CPNE5: variants seen among roughly 807,000 people sequenced by gnomAD.
CPNE5 encodes the protein copine-5.
In CPNE5, 42 loss-of-function variants were observed where a neutral mutation model predicts 81.1. That is an observed-to-expected ratio of 0.52 (90% CI 0.40 to 0.67). The LOEUF (loss-of-function observed/expected upper bound fraction) is 0.67, where lower values mean the gene tolerates loss of function less well. Among genes scored for constraint, CPNE5 ranks in the 30% least tolerant of loss-of-function variants. The pLI is 0.00. For missense variants in CPNE5, 612 were observed against 815.5 expected, an observed-to-expected ratio of 0.75 and a Z score of 3.04; for synonymous variants, 313 against 321.5, an observed-to-expected ratio of 0.97 and a Z score of 0.28.
intron 10 of CPNE5, among the ~76,000 whole-genome samples, chr6:36,768,377 G>T (rs1371058710): frequency 6.6e-6 from 1 of 151,760 alleles, no homozygotes; most frequent in Non-Finnish European, 1.5e-5. Flanking sequence ...GATTACAGGC[G>T]CATGCCATCA....
At chr6:36,823,910 G>A (rs558894807) in intron 1 of CPNE5, among the ~76,000 whole-genome samples, 1 of 152,294 alleles carries the variant, frequency 6.6e-6, no homozygotes, top group East Asian at 1.9e-4. Context: ...GGAGAGGAGG[G>A]GAGGATGGGC....
intron 1 of CPNE5, among the ~76,000 whole-genome samples, chr6:36,828,718 T>C (rs1772733206): frequency 6.6e-6 from 1 of 152,050 alleles, no homozygotes; most frequent in Non-Finnish European, 1.5e-5. Flanking sequence ...CATTCATGAG[T>C]CTAAAAAGCT....
At chr6:36,831,534 A>T in intron 1 of CPNE5, among the ~76,000 whole-genome samples, 1 of 151,042 alleles carries the variant, frequency 6.6e-6, no homozygotes, top group East Asian at 2.0e-4. Context: ...TTGTATTTTT[A>T]ATAGAAACGG....
At chr6:36,812,053 G>A (rs62406629) in intron 3 of CPNE5, among the ~76,000 whole-genome samples, 23,447 of 152,146 alleles carry the variant, frequency 0.15, 2,325 homozygotes, top group East Asian at 0.25. Context: ...GCAGTGAGCC[G>A]AGATTGTGTC....
intron 10 of CPNE5, among the ~76,000 whole-genome samples, chr6:36,767,466 G>A (rs1766661612): frequency 6.6e-6 from 1 of 152,162 alleles, no homozygotes; most frequent in Non-Finnish European, 1.5e-5. Flanking sequence ...CAAGACCAAG[G>A]CCCTGACTCC....
intron 14 of CPNE5, among the ~76,000 whole-genome samples, chr6:36,751,796 A>G (rs1378094895): frequency 2.0e-5 from 3 of 147,466 alleles, no homozygotes; most frequent in African/African-American, 4.9e-5. Context: ...CTCTGTCTCA[A>G]AAAATAAATA....
At chr6:36,831,542 C>T (rs1339208097) in intron 1 of CPNE5, among the ~76,000 whole-genome samples, 7 of 140,980 alleles carry the variant, frequency 5.0e-5, no homozygotes, top group African/African-American at 1.1e-4. Context: ...TTAATAGAAA[C>T]GGGGTTTCAC....
In CPNE5 at chr6:36,743,774, G is replaced by A. The variant is rs754777678; in HGVS notation, c.1490-12C>T. 5.6e-6 allele frequency: 9 copies of A among 1,608,972 alleles called. No homozygotes were observed. In the Admixed American group the frequency reaches 1.3e-4, roughly 24 times the overall value. ...CAGCTCCACCATGGCTGTGAGGGGA[G>A]GAGTGTCATGGGGCGGGGTGAGATT... On this transcript the variant is annotated splice_polypyrimidine_tract_variant and intron_variant, in intron 19 of 20. Transcript: ENST00000244751.
In CPNE5 at chr6:36,765,315, CT is replaced by C; in HGVS notation, c.779+19del. 1 of 1,613,892 alleles carries C rather than the reference CT, an allele frequency of 6.2e-7. No individual in the cohort carries two copies. Among genetic ancestry groups the C allele is most frequent in the South Asian group, 1.1e-5 (1 of 91,076 alleles). On this transcript the variant is annotated intron_variant, in intron 11 of 20. Coordinates refer to ENST00000244751, the MANE Select transcript of CPNE5 (RefSeq NM_020939.2). ...CCCATCCCCACTCACCTTCTCGCCC[CT>C]GCCCTCCTGCCTGCTTACCTGCCGT...
chr6:36,824,059 T>A (rs236375), intron 1 of CPNE5, among the ~76,000 whole-genome samples: 1 of 152,104 alleles, frequency 6.6e-6, no homozygotes, highest in East Asian at 1.9e-4. Flanking sequence ...ATCAGTACAA[T>A]GAGACGGTAG....
intron 1 of CPNE5, among the ~76,000 whole-genome samples, chr6:36,828,308 CAA>C (rs11444450): frequency 8.9e-5 from 7 of 78,604 alleles, no homozygotes; most frequent in Admixed American, 3.1e-4. Context: ...AACAACAAAC[CAA>C]AAAAAAAAAA....
chr6:36,755,007 T>A (rs1273776094), intron 13 of CPNE5: 1 of 152,228 alleles, frequency 6.6e-6, no homozygotes. Flanking sequence ...CCCCAGTCTG[T>A]GAAGCAGTTA....
In CPNE5 at chr6:36,746,719, A is replaced by G. The variant is rs1764209934; in HGVS notation, c.1019-142T>C. 3.0e-6 allele frequency: 2 copies of G among 673,796 alleles called. No individual in the cohort carries two copies. The highest frequency in any genetic ancestry group is 3.2e-5 in the East Asian group (1 of 31,074). 41.7% of individuals were successfully genotyped at this position (673,796 alleles called of 1,614,324 possible). On this transcript the variant is annotated intron_variant, in intron 15 of 20. Coordinates refer to ENST00000244751, the MANE Select transcript of CPNE5 (RefSeq NM_020939.2). The surrounding 1 kb of genome is among the most constrained non-coding windows in gnomAD (Gnocchi z 4.5). ...CTCTTTCTCTCATACCCCATGTTAA[A>G]TCCTTCAGCAAAACAGATCTAGAAT... is the stretch of plus-strand genomic sequence containing the variant.
chr6:36,774,162 T>C (rs1268121658), intron 10 of CPNE5, among the ~76,000 whole-genome samples: 1 of 151,140 alleles, frequency 6.6e-6, no homozygotes, highest in Non-Finnish European at 1.5e-5. Context: ...GATGGGTGCA[T>C]TGCTTGAGCC....
rs142384457 is a variant in CPNE5 at position 36,792,721 on chromosome 6, G to A, written c.465-625C>T. Among the ~76,000 whole-genome samples, 23 of 152,234 alleles carry A rather than the reference G, an allele frequency of 1.5e-4. No homozygotes were observed. In the East Asian group the frequency reaches 4.2e-3, roughly 28 times the overall value. On this transcript the variant is annotated intron_variant, in intron 7 of 20. Transcript: ENST00000244751. ...CAACCAGATCAAGGTCCGTGAAGTC[G>A]GTCCACCCCAGCACATCCCTCCAGG...
intron 4 of CPNE5, 52 bp downstream of exon 4, chr6:36,799,915 C>T (rs984418922): frequency 1.2e-5 from 16 of 1,337,940 alleles, no homozygotes; most frequent in Non-Finnish European, 1.7e-5. Flanking sequence ...TCCTACCTGC[C>T]AGCAATCTTC....
chr6:36,747,661 G>A (rs1764327172), intron 15 of CPNE5, among the ~76,000 whole-genome samples: 1 of 152,226 alleles, frequency 6.6e-6, no homozygotes. Flanking sequence ...CCCTAATAGA[G>A]CCCAGAGCCC....
chr6:36,757,965 C>G (rs909953986), intron 12 of CPNE5, among the ~76,000 whole-genome samples: 1 of 152,080 alleles, frequency 6.6e-6, no homozygotes, highest in Non-Finnish European at 1.5e-5. Context: ...TGTCACCCAG[C>G]GGCCTGCAGG....
In CPNE5 at chr6:36,746,622, A is replaced by C. The variant is rs749855592; in HGVS notation, c.1019-45T>G. 5 of 1,560,400 alleles carry C rather than the reference A, an allele frequency of 3.2e-6. No homozygotes were observed. Among genetic ancestry groups the C allele is most frequent in the Non-Finnish European group, 4.3e-6 (5 of 1,156,424 alleles). ...AGCCTTTGACCATCTGGACCCTCCA[A>C]GTCACCCCGGGTTCAGAATGAAGAA... On this transcript the variant is annotated intron_variant, in intron 15 of 20. Transcript: ENST00000244751. This position sits in a 1 kb window ranked among gnomAD's most constrained non-coding sequence, Gnocchi z 4.5.
Sources: gnomAD v4.1 joint callset for allele counts (sites outside exome capture counted in the v4.1 genomes callset) on GRCh38, gnomAD v4.1.1 for gene constraint, Gnocchi (gnomAD v3.1) non-coding constraint, MANE v1.5 for transcripts, NCBI Gene and HGNC (gene_info 2026-07-23, HGNC 2026-07-21) for gene names.